Variants in UGT2A2 observed in about 807,000 individuals in gnomAD.
The protein encoded by UGT2A2 is UDP-glucuronosyltransferase 2A2.
Under a neutral mutation model 50.7 loss-of-function variants are expected in UGT2A2, and 60 were observed. The ratio of observed to expected loss-of-function variants is 1.18; its 90% CI spans 0.96 to 1.47. The LOEUF (loss-of-function observed/expected upper bound fraction) is 1.47, where lower values mean the gene tolerates loss of function less well. Ranked by LOEUF, UGT2A2 falls within the 40% of genes most tolerant of loss-of-function variation. UGT2A2 has a pLI of 0.00. For missense variants in UGT2A2, 762 were observed against 634.0 expected (o/e 1.20, Z -2.17); for synonymous variants, 242 against 214.6 (o/e 1.13, Z -1.11).
At chr4:69,606,664 T>C (rs1222540295) in intron 1 of UGT2A2, among the ~76,000 whole-genome samples, 1 of 136,910 alleles carries the variant, frequency 7.3e-6, no homozygotes, top group Non-Finnish European at 1.6e-5. Context: ...ATTGTATATC[T>C]AGAAAACACC....
chr4:69,603,275 T>C (rs894524824), intron 1 of UGT2A2, among the ~76,000 whole-genome samples: 3 of 134,108 alleles, frequency 2.2e-5, no homozygotes, highest in Non-Finnish European at 4.7e-5. Context: ...AGAACTAATA[T>C]AAAGGAAAGC....
intron 1 of UGT2A2, among the ~76,000 whole-genome samples, chr4:69,607,789 C>T (rs1431746493): frequency 2.6e-5 from 4 of 152,180 alleles, no homozygotes; most frequent in Non-Finnish European, 4.4e-5. Flanking sequence ...CAAAAGAAGA[C>T]ATTTATGCAG....
chr4:69,639,480 T>C lies in UGT2A2; in HGVS notation c.161A>G (p.Gln54Arg), dbSNP rs373029428. The C allele has an allele frequency of 6.6e-5, 107 of 1,613,224 alleles. 2 individuals carry two copies. In the South Asian group the frequency reaches 7.2e-4, roughly 11 times the overall value. ...NIKIILEELI[Q>R]RNHNVTVLAS... The stretch of plus-strand genomic sequence containing the variant: ...CAGTACAGTCACATTGTGATTTCTT[T>C]GAATCAACTCTTCTAGAATAATCTT... Residue 54 changes from glutamine (Q) to arginine (R), a missense_variant, in exon 1 of 6, where the codon CAA becomes CGA. Gln to Arg is a conservative substitution (Grantham distance 43). Coordinates refer to ENST00000604629, the MANE Select transcript of UGT2A2 (RefSeq NM_001105677.2).
intron 1 of UGT2A2, among the ~76,000 whole-genome samples, chr4:69,636,669 G>A (rs1032364491): frequency 1.3e-5 from 2 of 151,754 alleles, no homozygotes; most frequent in African/African-American, 4.8e-5. Context: ...AGATTTTTTT[G>A]GCTACTTTCC....
At chr4:69,626,271 G>A (rs953260137) in intron 1 of UGT2A2, among the ~76,000 whole-genome samples, 1 of 150,326 alleles carries the variant, frequency 6.7e-6, no homozygotes, top group Non-Finnish European at 1.5e-5. Flanking sequence ...ATTTTATTTC[G>A]GAGTAAATTT....
chr4:69,593,560 T>TTA (rs1491519972), intron 5 of UGT2A2, among the ~76,000 whole-genome samples: 1 of 128,182 alleles, frequency 7.8e-6, no homozygotes, highest in African/African-American at 2.5e-5. Context: ...ATATATAGAC[T>TTA]TATATATATA....
chr4:69,612,336 T>C (rs998392234), intron 1 of UGT2A2, among the ~76,000 whole-genome samples: 1 of 151,996 alleles, frequency 6.6e-6, no homozygotes, highest in African/African-American at 2.4e-5. Flanking sequence ...CCCAAAGTAA[T>C]TTACACATTC....
chr4:69,634,449 C>A (rs531781638), intron 1 of UGT2A2, among the ~76,000 whole-genome samples: 1 of 151,904 alleles, frequency 6.6e-6, no homozygotes, highest in Non-Finnish European at 1.5e-5. Flanking sequence ...GCAATAAATA[C>A]AACACTGGGC....
intron 1 of UGT2A2, among the ~76,000 whole-genome samples, chr4:69,616,124 A>G (rs1166753041): frequency 2.6e-5 from 4 of 152,028 alleles, no homozygotes; most frequent in African/African-American, 9.7e-5. Flanking sequence ...GCGCGGAAAG[A>G]CAAATATGCC....
At chr4:69,615,438 T>C (rs926480639) in intron 1 of UGT2A2, among the ~76,000 whole-genome samples, 2 of 151,654 alleles carry the variant, frequency 1.3e-5, no homozygotes, top group East Asian at 3.9e-4. Flanking sequence ...GAAGAAACAG[T>C]CTACAAAATG....
At chr4:69,618,062 C>T (rs1720502995) in intron 1 of UGT2A2, among the ~76,000 whole-genome samples, 1 of 151,656 alleles carries the variant, frequency 6.6e-6, no homozygotes, top group African/African-American at 2.4e-5. Flanking sequence ...AATTATGAGT[C>T]TAAATAGATT....
intron 1 of UGT2A2, among the ~76,000 whole-genome samples, chr4:69,608,834 C>A (rs1161512346): frequency 6.6e-6 from 1 of 151,906 alleles, no homozygotes; most frequent in African/African-American, 2.4e-5. Context: ...TAGCTGGGAC[C>A]ACAGGCACAT....
At chr4:69,607,385 G>A (rs1435999794) in intron 1 of UGT2A2, among the ~76,000 whole-genome samples, 1 of 151,624 alleles carries the variant, frequency 6.6e-6, no homozygotes, top group Non-Finnish European at 1.5e-5. Context: ...GCTGAACCTG[G>A]ATCCCTTCCT....
intron 4 of UGT2A2, 29 bp downstream of exon 4, chr4:69,595,133 G>T: frequency 6.2e-7 from 1 of 1,612,624 alleles, no homozygotes; most frequent in Non-Finnish European, 8.5e-7. Flanking sequence ...TTGTCCCACT[G>T]TACAGCTTTT....
chr4:69,613,610 TA>T (rs1028228516), intron 1 of UGT2A2, among the ~76,000 whole-genome samples: 9 of 151,914 alleles, frequency 5.9e-5, no homozygotes, highest in African/African-American at 2.2e-4. Context: ...AACAACATAT[TA>T]AAAAGATCAT....
intron 1 of UGT2A2, among the ~76,000 whole-genome samples, chr4:69,635,524 G>T (rs1721626839): frequency 6.6e-6 from 1 of 152,136 alleles, no homozygotes; most frequent in Admixed American, 6.5e-5. Flanking sequence ...TCTCTTAGAA[G>T]TTGAGGAAGA....
At chr4:69,624,200 G>A (rs1051051501) in intron 1 of UGT2A2, among the ~76,000 whole-genome samples, 4 of 151,376 alleles carry the variant, frequency 2.6e-5, no homozygotes, top group Non-Finnish European at 5.9e-5. Flanking sequence ...ATGTCTTCTT[G>A]ATGAATTTAA....
intron 1 of UGT2A2, among the ~76,000 whole-genome samples, chr4:69,626,378 T>C (rs570801221): frequency 3.3e-5 from 5 of 151,774 alleles, no homozygotes; most frequent in South Asian, 4.2e-4. Context: ...TACATATGTA[T>C]GATTTTTATA....
intron 1 of UGT2A2, among the ~76,000 whole-genome samples, chr4:69,608,679 C>CA (rs755242626): frequency 2.6e-5 from 4 of 151,846 alleles, no homozygotes; most frequent in Non-Finnish European, 4.4e-5. Flanking sequence ...AAAATACACA[C>CA]AAAAAATAAT....
Sources: allele counts gnomAD v4.1 joint callset (sites outside exome capture counted in the v4.1 genomes callset), GRCh38; gene constraint gnomAD v4.1.1; transcripts MANE v1.5; gene names NCBI Gene and HGNC (gene_info 2026-07-23, HGNC 2026-07-21).